Variants in ZNF385D observed in about 807,000 individuals in gnomAD.
ZNF385D encodes zinc finger protein 385D.
In ZNF385D, 15 loss-of-function variants were observed where a neutral mutation model predicts 35.8. That is an observed-to-expected ratio of 0.42 (90% confidence interval 0.28 to 0.64). The LOEUF is 0.64. ZNF385D is among the 30% of genes least tolerant of loss of function. The pLI, the probability that ZNF385D is intolerant of heterozygous loss-of-function variation, is 0.23. For synonymous variants in ZNF385D, 212 were observed against 186.8 expected, an observed-to-expected ratio of 1.13 and a Z score of -1.10; for missense variants, 474 against 494.6, an observed-to-expected ratio of 0.96 and a Z score of 0.39.
At chr3:21,649,136 A>C (rs983098210) in intron 2 of ZNF385D, among the ~76,000 whole-genome samples, 1 of 152,112 alleles carries the variant, frequency 6.6e-6, no homozygotes, top group Non-Finnish European at 1.5e-5. Context: ...ACATAATCTG[A>C]TTTAATTGCA....
rs117783896 is a variant in ZNF385D, at chr3:21,517,660, G to A, written c.277-6637C>T. 3.7e-4 allele frequency among the ~76,000 whole-genome samples: 56 copies of A among 152,288 alleles called. No individual in the cohort carries two copies. The East Asian group carries it at 0.011, about 29-fold the overall frequency. ...TACAACTAGGCTGATTGGAACCTGA[G>A]AGAGTAGTTGCATACGGTAATCTGA... is the stretch of plus-strand genomic sequence containing the variant. On this transcript the variant is annotated intron_variant, in intron 3 of 7. Transcript: ENST00000281523.
At chr3:21,900,997 C>T (rs1699381854) in intron 3 of ZNF385D, among the ~76,000 whole-genome samples, 1 of 152,196 alleles carries the variant, frequency 6.6e-6, no homozygotes. Context: ...GCATCCATGC[C>T]TGTGCTCTTC....
At chr3:21,844,580 C>G (rs149179050) in intron 3 of ZNF385D, among the ~76,000 whole-genome samples, 249 of 152,024 alleles carry the variant, frequency 1.6e-3, no homozygotes, top group Non-Finnish European at 2.6e-3. Context: ...TGATAAATCA[C>G]CAAACCAAAA....
intron 1 of ZNF385D, among the ~76,000 whole-genome samples, chr3:21,692,297 A>G (rs974717772): frequency 6.6e-6 from 1 of 152,106 alleles, no homozygotes; most frequent in Non-Finnish European, 1.5e-5. Context: ...TTCTGGCTTT[A>G]TATTTCTGGC....
At chr3:21,709,273 G>C (rs2068014675) in intron 1 of ZNF385D, among the ~76,000 whole-genome samples, 1 of 152,104 alleles carries the variant, frequency 6.6e-6, no homozygotes, top group Admixed American at 6.5e-5. Flanking sequence ...TGTACTCAAA[G>C]GCAGATATAT....
chr3:21,634,727 A>G (rs1333110076), intron 2 of ZNF385D, among the ~76,000 whole-genome samples: 15 of 151,922 alleles, frequency 9.9e-5, no homozygotes, highest in Admixed American at 9.9e-4. Flanking sequence ...TCTTAAGTAT[A>G]CAAACATCCA....
At chr3:21,967,936 T>G (rs1275986298) in intron 3 of ZNF385D, among the ~76,000 whole-genome samples, 1 of 152,242 alleles carries the variant, frequency 6.6e-6, no homozygotes, top group Admixed American at 6.5e-5. Context: ...GTATCTGTTC[T>G]TAACATCATG....
chr3:22,097,086 T>A (rs1392022310), intron 3 of ZNF385D, among the ~76,000 whole-genome samples: 1 of 150,176 alleles, frequency 6.7e-6, no homozygotes, highest in East Asian at 1.9e-4. Context: ...ATGTGAGTCA[T>A]GAGAAATGAA....
intron 2 of ZNF385D, among the ~76,000 whole-genome samples, chr3:22,289,936 CA>C (rs1702213774): frequency 6.6e-6 from 1 of 152,068 alleles, no homozygotes; most frequent in Non-Finnish European, 1.5e-5. Flanking sequence ...TGACTATAAG[CA>C]GCAGCAGTTG....
intron 1 of ZNF385D, among the ~76,000 whole-genome samples, chr3:21,677,508 C>A (rs1575444167): frequency 6.6e-6 from 1 of 151,998 alleles, no homozygotes. Context: ...TCTTTGGCTG[C>A]AGATTCACTA....
At chr3:21,431,864 T>C (rs930390559) in intron 5 of ZNF385D, among the ~76,000 whole-genome samples, 1 of 152,132 alleles carries the variant, frequency 6.6e-6, no homozygotes, top group African/African-American at 2.4e-5. Flanking sequence ...AATGAGCTTT[T>C]CACATGAAGC....
chr3:21,536,347 A>G (rs2062035767), intron 3 of ZNF385D, among the ~76,000 whole-genome samples: 2 of 152,074 alleles, frequency 1.3e-5, no homozygotes, highest in Admixed American at 1.3e-4. Context: ...CAGGAAGAAG[A>G]CCACATTCCT....
chr3:21,728,634 A>G (rs2068864737), intron 1 of ZNF385D, among the ~76,000 whole-genome samples: 1 of 152,206 alleles, frequency 6.6e-6, no homozygotes, highest in African/African-American at 2.4e-5. Context: ...TTCTTACAGC[A>G]TCAAAACAAG....
At chr3:22,083,459 G>A (rs931972431) in intron 3 of ZNF385D, among the ~76,000 whole-genome samples, 6 of 152,132 alleles carry the variant, frequency 3.9e-5, no homozygotes, top group Admixed American at 1.3e-4. Context: ...TAGCTGATTC[G>A]ATCAACTGGA....
At chr3:22,288,661 T>G (rs1343808424) in intron 2 of ZNF385D, among the ~76,000 whole-genome samples, 1 of 152,164 alleles carries the variant, frequency 6.6e-6, no homozygotes, top group Non-Finnish European at 1.5e-5. Context: ...AGTGAGTATT[T>G]TTATGACAGT....
At chr3:21,624,486 A>G in intron 2 of ZNF385D, among the ~76,000 whole-genome samples, 1 of 152,100 alleles carries the variant, frequency 6.6e-6, no homozygotes, top group East Asian at 1.9e-4. Flanking sequence ...GCATTGGGAG[A>G]GACTTAGTTT....
chr3:21,799,944 G>T (rs189250582), intron 3 of ZNF385D, among the ~76,000 whole-genome samples: 1 of 152,204 alleles, frequency 6.6e-6, no homozygotes, highest in Admixed American at 6.5e-5. Context: ...TGTGAGATAG[G>T]AATCCAATTC....
intron 2 of ZNF385D, among the ~76,000 whole-genome samples, chr3:22,224,909 A>T (rs1345191184): frequency 6.6e-6 from 1 of 152,128 alleles, no homozygotes; most frequent in East Asian, 1.9e-4. Flanking sequence ...GCAAACAGGG[A>T]TGCTTTTTTA....
intron 1 of ZNF385D, among the ~76,000 whole-genome samples, chr3:21,684,364 TC>T (rs72061025): frequency 0.15 from 10,658 of 69,986 alleles, 577 homozygotes; most frequent in East Asian, 0.23. Flanking sequence ...TTAACTGTTC[TC>T]CTCTCTCTCT....
Sources: allele counts gnomAD v4.1 joint callset (sites outside exome capture counted in the v4.1 genomes callset), GRCh38; gene constraint gnomAD v4.1.1; transcripts MANE v1.5; gene names NCBI Gene and HGNC (gene_info 2026-07-23, HGNC 2026-07-21).